Variants in CYRIB observed in about 807,000 individuals in gnomAD.
The protein encoded by CYRIB is CYFIP-related Rac1 interactor B.
In CYRIB, 8 loss-of-function variants were observed where a neutral mutation model predicts 44.2. That is an observed-to-expected ratio of 0.18 (90% CI 0.11 to 0.33). The LOEUF is 0.33. CYRIB is among the 10% of genes least tolerant of loss of function. CYRIB has a pLI of 1.00. For synonymous variants in CYRIB, 131 were observed against 127.2 expected, an observed-to-expected ratio of 1.03 and a Z score of -0.20; for missense variants, 185 against 382.8, an observed-to-expected ratio of 0.48 and a Z score of 4.31.
intron 2 of CYRIB, among the ~76,000 whole-genome samples, chr8:129,958,531 A>C (rs966436336): frequency 6.6e-6 from 1 of 152,220 alleles, no homozygotes; most frequent in African/African-American, 2.4e-5. Context: ...AAGGGAAGGA[A>C]GCATTGTATA....
chr8:129,865,793 C>A (rs1483008459), intron 4 of CYRIB, among the ~76,000 whole-genome samples: 1 of 152,146 alleles, frequency 6.6e-6, no homozygotes, highest in African/African-American at 2.4e-5. Flanking sequence ...GAATTATTAA[C>A]CTTAACTTTT....
intron 2 of CYRIB, among the ~76,000 whole-genome samples, chr8:129,895,558 C>T (rs981602418): frequency 2.0e-5 from 3 of 151,994 alleles, no homozygotes; most frequent in Non-Finnish European, 4.4e-5. Flanking sequence ...TTTGATTTTG[C>T]ATTAAATATA....
intron 1 of CYRIB, among the ~76,000 whole-genome samples, chr8:129,989,819 GGT>G (rs796987271): frequency 6.6e-5 from 7 of 105,452 alleles, no homozygotes; most frequent in African/African-American, 2.7e-4. Context: ...GACAGGCCCC[GGT>G]GTGTGATGTT....
At chr8:129,916,436 C>T (rs1024436522) in intron 1 of CYRIB, among the ~76,000 whole-genome samples, 6 of 152,034 alleles carry the variant, frequency 3.9e-5, no homozygotes, top group African/African-American at 1.4e-4. Flanking sequence ...TCTAATAGCT[C>T]CCAATACTCT....
chr8:129,947,075 T>G (rs933506535), intron 2 of CYRIB, among the ~76,000 whole-genome samples: 5 of 152,032 alleles, frequency 3.3e-5, no homozygotes, highest in African/African-American at 1.2e-4. Flanking sequence ...TTTTTTTTTT[T>G]GAGACAGAAT....
chr8:129,938,961 AAG>A (rs2093298031), intron 1 of CYRIB, among the ~76,000 whole-genome samples: 2 of 152,200 alleles, frequency 1.3e-5, no homozygotes, highest in African/African-American at 4.8e-5. Flanking sequence ...GAAACACACT[AAG>A]ACCACACCCT....
intron 1 of CYRIB, among the ~76,000 whole-genome samples, chr8:129,922,229 T>C (rs1246494466): frequency 6.6e-6 from 1 of 152,224 alleles, no homozygotes; most frequent in Non-Finnish European, 1.5e-5. Flanking sequence ...AAATTCCTTT[T>C]ATGTCCAAAT....
intron 4 of CYRIB, among the ~76,000 whole-genome samples, chr8:129,863,859 T>C (rs1175869536): frequency 6.6e-6 from 1 of 152,208 alleles, no homozygotes; most frequent in Non-Finnish European, 1.5e-5. Flanking sequence ...AACAACCTGA[T>C]TTACTTTCTC....
At chr8:129,886,498 A>G (rs1036094138) in intron 2 of CYRIB, among the ~76,000 whole-genome samples, 5 of 152,088 alleles carry the variant, frequency 3.3e-5, no homozygotes, top group Admixed American at 6.5e-5. Context: ...TTCCCTCACC[A>G]GCTCCCACCC....
chr8:129,850,725 C>T (rs1448795744), intron 9 of CYRIB, 110 bp downstream of exon 11: 6 of 793,194 alleles, frequency 7.6e-6, no homozygotes, highest in East Asian at 2.6e-5. Context: ...AATATACTTA[C>T]TTTCCACCTT....
chr8:129,886,522 C>T (rs533713420), intron 2 of CYRIB, among the ~76,000 whole-genome samples: 67 of 152,298 alleles, frequency 4.4e-4, no homozygotes, highest in African/African-American at 1.6e-3. Context: ...TCCCTTGCTT[C>T]TCTTTGCAGC....
At chr8:129,905,407 C>T (rs954566485) in intron 1 of CYRIB, among the ~76,000 whole-genome samples, 4 of 152,126 alleles carry the variant, frequency 2.6e-5, no homozygotes, top group African/African-American at 2.4e-5. Flanking sequence ...TTAGTAGAGA[C>T]GGGGTTTCAC....
chr8:129,896,742 G>C (rs1474220900), intron 2 of CYRIB: 1 of 152,212 alleles, frequency 6.6e-6, no homozygotes, highest in Non-Finnish European at 1.5e-5. Flanking sequence ...GGAACTTAAG[G>C]ACCTACTGCC....
At chr8:129,903,896 T>C (rs16904168) in intron 1 of CYRIB, among the ~76,000 whole-genome samples, 2,217 of 152,238 alleles carry the variant, frequency 0.015, 51 homozygotes, top group African/African-American at 0.05. Context: ...CTCTCTAGGA[T>C]TGGTTTTATT....
intron 5 of CYRIB, among the ~76,000 whole-genome samples, chr8:129,859,444 G>A (rs2048106270): frequency 6.6e-6 from 1 of 152,096 alleles, no homozygotes; most frequent in East Asian, 1.9e-4. Context: ...GGAGGTGGAG[G>A]AGCAGAGTCT....
chr8:129,958,492 A>C (rs1272622240), intron 2 of CYRIB, among the ~76,000 whole-genome samples: 2 of 152,154 alleles, frequency 1.3e-5, no homozygotes, highest in Non-Finnish European at 2.9e-5. Flanking sequence ...TGTATTCTGT[A>C]TTTTGAAGGC....
chr8:129,844,456 C>A (rs1013648782), intron 11 of CYRIB: 2 of 152,184 alleles, frequency 1.3e-5, no homozygotes, highest in South Asian at 2.1e-4. Flanking sequence ...TTTCCAAGTG[C>A]GACTGTTTTA....
At chr8:129,944,253 G>C (rs2093977055), upstream of CYRIB, among the ~76,000 whole-genome samples, 1 of 152,154 alleles carries the variant, frequency 6.6e-6, no homozygotes, top group Non-Finnish European at 1.5e-5. Flanking sequence ...GTCCAGGAGA[G>C]GGATAAGGAG....
chr8:129,917,914 T>C (rs1050804170), intron 1 of CYRIB, among the ~76,000 whole-genome samples: 1 of 152,212 alleles, frequency 6.6e-6, no homozygotes, highest in Admixed American at 6.5e-5. Flanking sequence ...AGAAATTTAA[T>C]TATTTCTTTA....
Sources: gnomAD v4.1 joint callset for allele counts (sites outside exome capture counted in the v4.1 genomes callset) on GRCh38, gnomAD v4.1.1 for gene constraint, MANE v1.5 for transcripts, NCBI Gene and HGNC (gene_info 2026-07-23, HGNC 2026-07-21) for gene names.